RBFOX1: variants seen among roughly 807,000 people sequenced by gnomAD.
RBFOX1 encodes RNA binding fox-1 homolog 1, also known as RNA binding protein fox-1 homolog 1.
RBFOX1 carries 8 observed loss-of-function variants against 57.7 expected under a neutral mutation model. The ratio of observed to expected loss-of-function variants is 0.14; its 90% confidence interval spans 0.08 to 0.25. RBFOX1 has a LOEUF of 0.25. Among genes scored for constraint, RBFOX1 ranks in the 10% least tolerant of loss-of-function variants. RBFOX1 has a pLI of 1.00. For synonymous variants in RBFOX1, 326 were observed against 222.4 expected (o/e 1.47, Z -4.15); for missense variants, 611 against 548.5 (o/e 1.11, Z -1.14).
intron 4 of RBFOX1, among the ~76,000 whole-genome samples, chr16:7,495,467 C>G (rs537473348): frequency 5.6e-4 from 86 of 152,308 alleles, no homozygotes; most frequent in African/African-American, 1.9e-3. Flanking sequence ...TTCTCTGCAG[C>G]CTCACCAGCA....
At chr16:6,874,721 G>C (rs972105674) in intron 3 of RBFOX1, among the ~76,000 whole-genome samples, 1 of 151,818 alleles carries the variant, frequency 6.6e-6, no homozygotes, top group East Asian at 1.9e-4. Context: ...TGGGAGCTAA[G>C]CTATAAGGAC....
At chr16:5,775,708 A>T (rs139934423) in intron 3 of RBFOX1, among the ~76,000 whole-genome samples, 1 of 152,304 alleles carries the variant, frequency 6.6e-6, no homozygotes, top group African/African-American at 2.4e-5. Flanking sequence ...GATACTCTGA[A>T]TCCTTAGAGC....
chr16:6,042,512 C>G (rs547161965), intron 1 of RBFOX1, among the ~76,000 whole-genome samples: 107 of 152,208 alleles, frequency 7.0e-4, no homozygotes, highest in African/African-American at 2.4e-3. Flanking sequence ...CATCTGCAAA[C>G]TTAATTTACA....
intron 4 of RBFOX1, among the ~76,000 whole-genome samples, chr16:7,347,905 G>T (rs1219680307): frequency 2.0e-5 from 3 of 152,104 alleles, no homozygotes; most frequent in African/African-American, 7.2e-5. Flanking sequence ...ATAGCCTTCA[G>T]TGCACCCTAT....
At position 7,033,279 on chromosome 16, in the gene RBFOX1, GGAGGCC is replaced by G. The variant is rs779470826; in HGVS notation, c.-15-18772_-15-18767del. On this transcript the variant is annotated intron_variant, in intron 3 of 15. Coordinates refer to ENST00000550418, the MANE Select transcript of RBFOX1 (RefSeq NM_018723.4). ...TCACGCCTGTAATCCTAGAACTTTG[GGAGGCC>G]GAGGCGGGCAGATCACCCGAGGCCA... Among the ~76,000 whole-genome samples the G allele has an allele frequency of 5.3e-4, 81 of 152,272 alleles. 1 individual carries two copies. The highest frequency in any genetic ancestry group is 9.8e-4 in the Admixed American group (15 of 15,292).
At position 6,047,228 on chromosome 16, in the gene RBFOX1, G is replaced by A. The variant is rs756439419; in HGVS notation, c.-127+27236G>A. 7.9e-5 allele frequency among the ~76,000 whole-genome samples: 12 copies of A among 152,296 alleles called. 1 individual carries two copies. Among genetic ancestry groups the A allele is most frequent in the South Asian group, 6.2e-4 (3 of 4,826 alleles). On this transcript the variant is annotated intron_variant, in intron 1 of 15. Transcript: ENST00000550418. ...ATGATGTCAGTGTGTGTGTATGTGC[G>A]TGTGTTTCCTCCTGCCAGCCCATGA...
chr16:6,091,638 T>G (rs1005313312), intron 1 of RBFOX1, among the ~76,000 whole-genome samples: 1 of 152,196 alleles, frequency 6.6e-6, no homozygotes, highest in Non-Finnish European at 1.5e-5. Flanking sequence ...GAGACCAGCC[T>G]GGCCAACATG....
intron 3 of RBFOX1, among the ~76,000 whole-genome samples, chr16:6,706,994 A>G (rs960876221): frequency 6.6e-6 from 1 of 152,098 alleles, no homozygotes; most frequent in Non-Finnish European, 1.5e-5. Flanking sequence ...ACAAATGTGG[A>G]ACAGCACAGA....
chr16:6,804,269 A>G (rs889999987), intron 3 of RBFOX1, among the ~76,000 whole-genome samples: 5 of 151,920 alleles, frequency 3.3e-5, no homozygotes, highest in South Asian at 2.1e-4. Context: ...CAGCCTCCCA[A>G]AGTCCTGGGA....
At chr16:6,590,686 G>C (rs568049155) in intron 2 of RBFOX1, among the ~76,000 whole-genome samples, 23 of 152,112 alleles carry the variant, frequency 1.5e-4, no homozygotes, top group African/African-American at 5.1e-4. Flanking sequence ...TGCATACTAC[G>C]AATCTTTCTA....
chr16:6,146,768 G>T (rs1225447797), intron 1 of RBFOX1, among the ~76,000 whole-genome samples: 1 of 152,180 alleles, frequency 6.6e-6, no homozygotes, highest in African/African-American at 2.4e-5. Flanking sequence ...CTTCCGGAGT[G>T]TCCCTGTCTT....
At chr16:6,412,220 A>T (rs2093481746) in intron 2 of RBFOX1, among the ~76,000 whole-genome samples, 2 of 152,270 alleles carry the variant, frequency 1.3e-5, no homozygotes, top group Middle Eastern at 6.8e-3. Context: ...ATATTATACG[A>T]GTTAGAAACA....
intron 4 of RBFOX1, among the ~76,000 whole-genome samples, chr16:7,088,718 C>G (rs2060358062): frequency 6.6e-6 from 1 of 152,088 alleles, no homozygotes; most frequent in African/African-American, 2.4e-5. Context: ...TGTAGTTTAG[C>G]CAATAAAGAG....
At chr16:6,767,947 T>TAATAATAATAATAATAAGAAG (rs1410744665) in intron 3 of RBFOX1, among the ~76,000 whole-genome samples, 10 of 101,044 alleles carry the variant, frequency 9.9e-5, no homozygotes, top group South Asian at 3.6e-4. Context: ...ATAATAATAA[T>TAATAATAATAATAATAAGAAG]AAGAAGAAGA....
At chr16:7,031,082 A>T (rs2042673712) in intron 3 of RBFOX1, among the ~76,000 whole-genome samples, 1 of 152,182 alleles carries the variant, frequency 6.6e-6, no homozygotes, top group Non-Finnish European at 1.5e-5. Context: ...GAGGGTAGCC[A>T]GGGTTGTAAG....
chr16:5,396,579 T>TCAC (rs2066562748), intron 1 of RBFOX1, among the ~76,000 whole-genome samples: 2 of 152,090 alleles, frequency 1.3e-5, no homozygotes, highest in African/African-American at 4.8e-5. Context: ...GCGGCAGAGG[T>TCAC]TGCAGTGAGC....
intron 1 of RBFOX1, among the ~76,000 whole-genome samples, chr16:5,248,590 G>T (rs2062363111): frequency 6.6e-6 from 1 of 152,194 alleles, no homozygotes; most frequent in Non-Finnish European, 1.5e-5. Context: ...GCAGGAGCCA[G>T]GGCCGTGGAG....
intron 4 of RBFOX1, among the ~76,000 whole-genome samples, chr16:7,440,375 G>A (rs573250916): frequency 1.3e-5 from 2 of 152,254 alleles, no homozygotes; most frequent in East Asian, 3.9e-4. Context: ...AGGGGGAAAG[G>A]AGGTAGAAAA....
At chr16:5,340,937 A>C (rs1031328051) in intron 1 of RBFOX1, among the ~76,000 whole-genome samples, 1 of 152,138 alleles carries the variant, frequency 6.6e-6, no homozygotes, top group Non-Finnish European at 1.5e-5. Flanking sequence ...GCTACTGTAG[A>C]AAAGGGGTTC....
Sources: gnomAD v4.1 joint callset for allele counts (sites outside exome capture counted in the v4.1 genomes callset) on GRCh38, gnomAD v4.1.1 for gene constraint, MANE v1.5 for transcripts, NCBI Gene and HGNC (gene_info 2026-07-23, HGNC 2026-07-21) for gene names.